Variants in TXNL1 observed in about 807,000 individuals in gnomAD.
TXNL1 encodes the protein thioredoxin like 1, also known as thioredoxin-like protein 1.
A neutral mutation model predicts 35.5 loss-of-function variants in TXNL1; 14 were observed. The ratio of observed to expected loss-of-function variants is 0.39; its 90% CI spans 0.26 to 0.62. TXNL1 has a LOEUF of 0.62. Among genes scored for constraint, TXNL1 ranks in the 20% least tolerant of loss-of-function variants. TXNL1 has a pLI of 0.47. For synonymous variants in TXNL1, 110 were observed against 115.5 expected, an observed-to-expected ratio of 0.95 and a Z score of 0.31; for missense variants, 263 against 349.7, an observed-to-expected ratio of 0.75 and a Z score of 1.98.
intron 2 of TXNL1, 121 bp downstream of exon 2, chr18:56,626,240 A>T (rs986251275): frequency 2.7e-5 from 40 of 1,458,884 alleles, no homozygotes; most frequent in Non-Finnish European, 3.2e-5. Context: ...TCAACATAAC[A>T]TCTTCCTATC....
Position 56,599,996 on chromosome 18 carries a change from A to T in TXNL1, c.*3031T>A, listed in dbSNP as rs2023791731. ...TATGAGTATCAATACAAGCAACATG[A>T]GTAAGCCTTAAATTTCATGTTTTTA... On this transcript the variant is annotated 3_prime_UTR_variant, in exon 8 of 8. Transcript: ENST00000217515. 6.6e-6 allele frequency: 1 copy of T among 152,202 alleles called. No individual in the cohort carries two copies. The highest frequency in any genetic ancestry group is 1.5e-5 in the Non-Finnish European group (1 of 68,028). 9.4% of individuals were successfully genotyped at this position (152,202 alleles called of 1,614,324 possible). A position where few individuals can be genotyped will look rare whatever the true frequency, so the allele number is the denominator to read the frequency against.
At chr18:56,622,437 G>A (rs900371782) in intron 3 of TXNL1, among the ~76,000 whole-genome samples, 1 of 152,026 alleles carries the variant, frequency 6.6e-6, no homozygotes, top group Non-Finnish European at 1.5e-5. Context: ...AATTTCTTGG[G>A]AGTTATAATG....
intron 1 of TXNL1, among the ~76,000 whole-genome samples, chr18:56,630,203 GAA>G (rs577790535): frequency 2.2e-4 from 18 of 83,626 alleles, no homozygotes; most frequent in East Asian, 3.4e-4. Flanking sequence ...ACTTGGAAAA[GAA>G]AAAAAAAAAA....
At chr18:56,603,288 T>G (rs1285125899) in intron 7 of TXNL1, among the ~76,000 whole-genome samples, 2 of 151,900 alleles carry the variant, frequency 1.3e-5, no homozygotes, top group East Asian at 3.8e-4. Context: ...ACAGTTTTTT[T>G]TTTTTTTTTA....
Position 56,638,465 on chromosome 18 carries a change from G to T in TXNL1, c.-25C>A. On this transcript the variant is annotated 5_prime_UTR_variant, in exon 1 of 8. Transcript: ENST00000217515. ...TCCTCACAGAGAGCCCGGCAGGGTGGCCGCGACGCCACTGGCTTTGAAACT... is the reference window on the plus strand; with the variant it reads ...TCCTCACAGAGAGCCCGGCAGGGTGTCCGCGACGCCACTGGCTTTGAAACT... 6.2e-7 allele frequency: 1 copy of T among 1,602,260 alleles called. No homozygotes were observed. Among genetic ancestry groups the T allele is most frequent in the Non-Finnish European group, 8.5e-7 (1 of 1,172,866 alleles).
intron 4 of TXNL1, among the ~76,000 whole-genome samples, chr18:56,617,107 C>G (rs1461255250): frequency 5.9e-5 from 9 of 152,142 alleles, no homozygotes; most frequent in Non-Finnish European, 1.2e-4. Flanking sequence ...ACTCTCAAAG[C>G]TGAAAAACAT....
chr18:56,635,031 G>A (rs539856944), intron 1 of TXNL1, among the ~76,000 whole-genome samples: 16 of 152,306 alleles, frequency 1.1e-4, no homozygotes, highest in South Asian at 6.2e-4. Context: ...GGATGCTGAC[G>A]TGGGAGGGTC....
At chr18:56,623,958 G>A (rs982904377) in intron 3 of TXNL1, among the ~76,000 whole-genome samples, 15 of 151,844 alleles carry the variant, frequency 9.9e-5, no homozygotes, top group African/African-American at 3.6e-4. Context: ...AATTTCTAAT[G>A]CACATTTCTA....
At chr18:56,612,026 T>TC (rs1182066763) in intron 6 of TXNL1, among the ~76,000 whole-genome samples, 1 of 148,008 alleles carries the variant, frequency 6.8e-6, no homozygotes, top group Non-Finnish European at 1.5e-5. Context: ...TCTTTTTTTT[T>TC]TTTTTTTTTT....
chr18:56,632,295 T>G (rs2024384974), intron 1 of TXNL1, among the ~76,000 whole-genome samples: 1 of 152,230 alleles, frequency 6.6e-6, no homozygotes, highest in Middle Eastern at 3.4e-3. Context: ...AAAGAATTTT[T>G]TTTTCTTTTT....
Position 56,602,932 on chromosome 18 carries a change from A to G in TXNL1, c.*95T>C. ...AAGCAATGATTTATTGGTAATGGCA[A>G]TGAATGAAACATTGACAGTCTCTGG... On this transcript the variant is annotated 3_prime_UTR_variant, in exon 8 of 8. Coordinates refer to ENST00000217515, the MANE Select transcript of TXNL1 (RefSeq NM_004786.3). The G allele has an allele frequency of 7.8e-7, 1 of 1,285,554 alleles. No homozygotes were observed. Among genetic ancestry groups the G allele is most frequent in the Non-Finnish European group, 1.1e-6 (1 of 885,598 alleles). 79.6% of individuals were successfully genotyped at this position (1,285,554 alleles called of 1,614,324 possible).
At position 56,614,488 on chromosome 18, in the gene TXNL1, T is replaced by A. The variant is rs1295863493; in HGVS notation, c.671A>T (p.Asp224Val). The change falls in exon 6 of 8, where the codon GAT becomes GTT. Residue 224 changes from aspartate (D) to valine (V), a missense_variant. By Grantham distance (152) the Asp-to-Val change is radical. Coordinates refer to ENST00000217515, the MANE Select transcript of TXNL1 (RefSeq NM_004786.3). ...TGGAACAATGCCATCTTCTTTAATA[T>A]CATCCTCTGTCAGTTCCAGAGCTTG... The part of the protein sequence containing the change: ...PTQALELTED[D>V]IKEDGIVPLR... 4 of 1,614,014 alleles carry A rather than the reference T, an allele frequency of 2.5e-6. No individual in the cohort carries two copies. In the Admixed American group the frequency reaches 5.0e-5, roughly 20 times the overall value.
At chr18:56,610,963 T>A in intron 7 of TXNL1, 30 bp downstream of exon 7, 1 of 1,342,172 alleles carries the variant, frequency 7.5e-7, no homozygotes, top group Non-Finnish European at 1.0e-6. Flanking sequence ...ATATTTTTAC[T>A]ATCCCGAAGT....
chr18:56,616,222 A>G, intron 5 of TXNL1, 23 bp downstream of exon 5: 1 of 1,605,528 alleles, frequency 6.2e-7, no homozygotes, highest in Non-Finnish European at 8.5e-7. Flanking sequence ...AGTTAGTTTA[A>G]AGAAAAGCTA....
chr18:56,618,166 TTAGG>T (rs1286609828), intron 3 of TXNL1, 40 bp from the exon 4 acceptor site: 5 of 1,596,344 alleles, frequency 3.1e-6, no homozygotes, highest in Middle Eastern at 1.9e-4. Flanking sequence ...CATATTTGGA[TTAGG>T]TATAAAAATG....
intron 1 of TXNL1, among the ~76,000 whole-genome samples, chr18:56,632,289 A>C (rs1395213622): frequency 6.6e-6 from 1 of 150,808 alleles, no homozygotes; most frequent in Admixed American, 6.6e-5. Flanking sequence ...ACAGTTAAAG[A>C]ATTTTTTTTT....
chr18:56,638,535 G>A lies in TXNL1; in HGVS notation c.-95C>T, dbSNP rs907176209. ...GAGAGGAAGGAGAGATGCTCAGGAA[G>A]GCCGAGGCCTGGACAGAAGAGGTGG... On this transcript the variant is annotated 5_prime_UTR_variant, in exon 1 of 8. Transcript: ENST00000217515. 8 of 1,315,576 alleles carry A rather than the reference G, an allele frequency of 6.1e-6. No homozygotes were observed. Among genetic ancestry groups the A allele is most frequent in the Middle Eastern group, 2.2e-4 (1 of 4,536 alleles). The allele number at this position is 1,315,576 out of a possible 1,614,324, so 81.5% of individuals were successfully genotyped here.
chr18:56,616,190 G>T, intron 5 of TXNL1, 55 bp downstream of exon 5: 1 of 1,463,604 alleles, frequency 6.8e-7, no homozygotes, highest in Non-Finnish European at 9.4e-7. Context: ...TTAATTTTAT[G>T]CTAACAGTTC....
At chr18:56,637,480 T>C (rs1290932442) in intron 1 of TXNL1, among the ~76,000 whole-genome samples, 1 of 152,230 alleles carries the variant, frequency 6.6e-6, no homozygotes, top group East Asian at 1.9e-4. Context: ...GCTGAAATCT[T>C]GGTTCTCAAC....
Sources: allele counts gnomAD v4.1 joint callset (sites outside exome capture counted in the v4.1 genomes callset), GRCh38; gene constraint gnomAD v4.1.1; transcripts MANE v1.5; gene names NCBI Gene and HGNC (gene_info 2026-07-23, HGNC 2026-07-21).